PRKAG2: variants seen among roughly 807,000 people sequenced by gnomAD.
The protein encoded by PRKAG2 is 5'-AMP-activated protein kinase subunit gamma-2.
PRKAG2 carries 26 observed loss-of-function variants against 69.6 expected under a neutral mutation model. That is an observed-to-expected ratio of 0.37 (90% CI 0.27 to 0.52). The LOEUF (loss-of-function observed/expected upper bound fraction) is 0.52, where lower values mean the gene tolerates loss of function less well. PRKAG2 is among the 20% of genes least tolerant of loss of function. The pLI is 0.90. For synonymous variants in PRKAG2, 293 were observed against 285.0 expected, an observed-to-expected ratio of 1.03 and a Z score of -0.28; for missense variants, 557 against 740.0, an observed-to-expected ratio of 0.75 and a Z score of 2.87.
In PRKAG2 at chr7:151,777,571, C is replaced by T. The variant is rs1445778408; in HGVS notation, c.466+3581G>A. On this transcript the variant is annotated intron_variant, in intron 3 of 15. Coordinates refer to ENST00000287878, the MANE Select transcript of PRKAG2 (RefSeq NM_016203.4). This position sits in a 1 kb window ranked among gnomAD's most constrained non-coding sequence, Gnocchi z 4.3. ...GTGAGCTCTGCATACCCCGGCTTTC[C>T]TTCGCCTTCCTCCATGAGTGGAAGC... is the stretch of plus-strand genomic sequence containing the variant. 6.6e-6 allele frequency among the ~76,000 whole-genome samples: 1 copy of T among 152,164 alleles called. No individual in the cohort carries two copies. Among genetic ancestry groups the T allele is most frequent in the Non-Finnish European group, 1.5e-5 (1 of 68,024 alleles).
intron 3 of PRKAG2, chr7:151,736,543 T>C (rs1282334001): frequency 2.6e-6 from 1 of 389,026 alleles, no homozygotes; most frequent in Non-Finnish European, 3.5e-6. Flanking sequence ...TTGGCACCAA[T>C]TGGCCAGAGC....
At chr7:151,663,507 CG>C (rs1830613439) in intron 4 of PRKAG2, among the ~76,000 whole-genome samples, 1 of 152,162 alleles carries the variant, frequency 6.6e-6, no homozygotes, top group African/African-American at 2.4e-5. Context: ...GGACTACAGG[CG>C]TGCACCACCA....
intron 2 of PRKAG2, 115 bp downstream of exon 2, chr7:151,786,355 G>T: frequency 9.9e-7 from 1 of 1,009,438 alleles, no homozygotes; most frequent in Non-Finnish European, 1.5e-6. Context: ...AGGTGTGCAA[G>T]CGGACATGCG....
At chr7:151,677,956 CCTTTT>C (rs1833219206) in intron 3 of PRKAG2, among the ~76,000 whole-genome samples, 1 of 152,160 alleles carries the variant, frequency 6.6e-6, no homozygotes, top group Non-Finnish European at 1.5e-5. Flanking sequence ...CAGACGTTTT[CCTTTT>C]ATCAGGTCCT....
At chr7:151,564,764 G>C (rs1045405245) in intron 13 of PRKAG2, among the ~76,000 whole-genome samples, 1 of 151,792 alleles carries the variant, frequency 6.6e-6, no homozygotes, top group Non-Finnish European at 1.5e-5. Flanking sequence ...TCATTTTAGC[G>C]GGTCCCACTC....
intron 4 of PRKAG2, among the ~76,000 whole-genome samples, chr7:151,661,178 T>TTTTTTG (rs945159428): frequency 1.3e-5 from 2 of 152,164 alleles, no homozygotes; most frequent in African/African-American, 4.8e-5. Flanking sequence ...TTCACTGTCT[T>TTTTTTG]TTTTTGTTTT....
intron 1 of PRKAG2, among the ~76,000 whole-genome samples, chr7:151,854,447 A>G (rs1315359429): frequency 2.0e-5 from 3 of 152,228 alleles, no homozygotes; most frequent in Admixed American, 1.3e-4. Context: ...ACCTGCCCCC[A>G]AGAGCCTCTG....
intron 1 of PRKAG2, among the ~76,000 whole-genome samples, chr7:151,834,285 A>T (rs963118244): frequency 1.3e-5 from 2 of 152,196 alleles, no homozygotes; most frequent in Non-Finnish European, 2.9e-5. Flanking sequence ...TACACCCAAG[A>T]TGACCTGAGC....
intron 1 of PRKAG2, among the ~76,000 whole-genome samples, chr7:151,841,766 T>G (rs947492057): frequency 1.4e-5 from 2 of 144,984 alleles, no homozygotes; most frequent in Non-Finnish European, 3.0e-5. Flanking sequence ...ATGGTAGTGA[T>G]GGTAGGTAGT....
At chr7:151,586,576 T>C (rs902941770) in intron 6 of PRKAG2, among the ~76,000 whole-genome samples, 2 of 152,234 alleles carry the variant, frequency 1.3e-5, no homozygotes, top group Admixed American at 6.5e-5. Context: ...GAGATGTGGT[T>C]CATGCTGACA....
At chr7:151,645,134 C>A (rs993399769) in intron 4 of PRKAG2, among the ~76,000 whole-genome samples, 2 of 152,154 alleles carry the variant, frequency 1.3e-5, no homozygotes, top group African/African-American at 4.8e-5. Flanking sequence ...TGAGTGTGAG[C>A]AGGACCTAGT....
At chr7:151,796,832 G>A (rs576778143) in intron 1 of PRKAG2, among the ~76,000 whole-genome samples, 3 of 152,212 alleles carry the variant, frequency 2.0e-5, no homozygotes, top group South Asian at 4.2e-4. Flanking sequence ...ATCCTGATGC[G>A]CCACCTCCAG....
intron 1 of PRKAG2, among the ~76,000 whole-genome samples, chr7:151,795,090 G>T (rs1379442017): frequency 1.3e-5 from 2 of 152,216 alleles, no homozygotes; most frequent in African/African-American, 4.8e-5. Flanking sequence ...CTGCTCCCAG[G>T]CCAGGTTGAG....
Position 151,788,931 on chromosome 7 carries a change from C to G in PRKAG2, c.115-2390G>C, listed in dbSNP as rs1166303199. Among the ~76,000 whole-genome samples the G allele has an allele frequency of 2.0e-5, 3 of 152,208 alleles. No homozygotes were observed. Among genetic ancestry groups the G allele is most frequent in the Admixed American group, 1.3e-4 (2 of 15,278 alleles). ...TCCTTTCCCAGTTGAATAGTCTTGG[C>G]ATGACTGTGGAACGTCATTTGACTT... On this transcript the variant is annotated intron_variant, in intron 1 of 15. Transcript: ENST00000287878. The surrounding 1 kb of genome is among the most constrained non-coding windows in gnomAD (Gnocchi z 4.6).
rs1437555882 is a variant in PRKAG2 at position 151,632,712 on chromosome 7, C to G, written c.685-574G>C. ...GGATCCTTTCTCGCTTTCCTCTTCC[C>G]TTTCCAAATTTTAGATGTAACTGCC... On this transcript the variant is annotated intron_variant, in intron 4 of 15. Transcript: ENST00000287878. The surrounding 1 kb of genome is among the most constrained non-coding windows in gnomAD (Gnocchi z 4.2). 1.5e-6 allele frequency: 1 copy of G among 653,686 alleles called. No homozygotes were observed. Among genetic ancestry groups the G allele is most frequent in the Non-Finnish European group, 1.9e-6 (1 of 526,648 alleles). The allele number at this position is 653,686 out of a possible 1,614,324, so 40.5% of individuals were successfully genotyped here. A position where few individuals can be genotyped will look rare whatever the true frequency, so the allele number is the denominator to read the frequency against.
In PRKAG2 at chr7:151,835,272, T is replaced by C. The variant is rs2079121098; in HGVS notation, c.114+41235A>G. On this transcript the variant is annotated intron_variant, in intron 1 of 15. Coordinates refer to ENST00000287878, the MANE Select transcript of PRKAG2 (RefSeq NM_016203.4). The surrounding 1 kb of genome is among the most constrained non-coding windows in gnomAD (Gnocchi z 4.1). ...TGCTGTTTTCCAGGCTGGAGTGCCA[T>C]GACACACACGATCTTGGCTCACTGC... Among the ~76,000 whole-genome samples the C allele has an allele frequency of 6.6e-6, 1 of 152,004 alleles. No homozygotes were observed. The highest frequency in any genetic ancestry group is 1.5e-5 in the Non-Finnish European group (1 of 67,930).
At chr7:151,802,964 T>A (rs11374316) in intron 1 of PRKAG2, among the ~76,000 whole-genome samples, 65,981 of 125,400 alleles carry the variant, frequency 0.53, 14,789 homozygotes, top group African/African-American at 0.6. Context: ...ATATATATAT[T>A]TTTTTTTTTT....
intron 5 of PRKAG2, among the ~76,000 whole-genome samples, chr7:151,618,337 C>A (rs1820652769): frequency 6.6e-6 from 1 of 151,918 alleles, no homozygotes; most frequent in African/African-American, 2.4e-5. Flanking sequence ...CCTGTAATCC[C>A]AGCTACTCAG....
chr7:151,688,031 G>A (rs1835006665), intron 3 of PRKAG2, among the ~76,000 whole-genome samples: 1 of 88,806 alleles, frequency 1.1e-5, no homozygotes, highest in Non-Finnish European at 2.6e-5. Context: ...GGAGGAGGAG[G>A]AGGAAATGAG....
Sources: allele counts gnomAD v4.1 joint callset (sites outside exome capture counted in the v4.1 genomes callset), GRCh38; gene constraint gnomAD v4.1.1; non-coding constraint Gnocchi (gnomAD v3.1); transcripts MANE v1.5; gene names NCBI Gene and HGNC (gene_info 2026-07-23, HGNC 2026-07-21).